ACAP1: variants seen among roughly 807,000 people sequenced by gnomAD.
ACAP1 encodes ArfGAP with coiled-coil, ankyrin repeat and PH domains 1.
Under a neutral mutation model 98.8 loss-of-function variants are expected in ACAP1, and 45 were observed. That is an observed-to-expected ratio of 0.46 (90% CI 0.36 to 0.58). ACAP1 has a LOEUF of 0.58. Ranked by LOEUF, ACAP1 falls within the 20% of genes least tolerant of loss-of-function variation. The pLI is 0.00. For synonymous variants in ACAP1, 362 were observed against 375.3 expected (o/e 0.96, Z 0.41); for missense variants, 735 against 971.4 (o/e 0.76, Z 3.24).
At chr17:7,338,567 A>G (rs982158198) in intron 2 of ACAP1, among the ~76,000 whole-genome samples, 3 of 151,036 alleles carry the variant, frequency 2.0e-5, no homozygotes, top group South Asian at 2.1e-4. Flanking sequence ...CCGGCCTACA[A>G]ATAATAATTT....
At chr17:7,342,133 G>C in intron 3 of ACAP1, 66 bp downstream of exon 3, 1 of 1,608,512 alleles carries the variant, frequency 6.2e-7, no homozygotes, top group South Asian at 1.1e-5. Flanking sequence ...TGTGGAAGAG[G>C]AGGGCTGGCC....
intron 1 of ACAP1, among the ~76,000 whole-genome samples, 198 bp downstream of exon 1, chr17:7,336,985 C>T (rs1457922195): frequency 6.6e-6 from 1 of 152,106 alleles, no homozygotes; most frequent in African/African-American, 2.4e-5. Context: ...TCCTCCTGGC[C>T]TCTGCAGTTT....
chr17:7,337,308 C>G lies in ACAP1; in HGVS notation c.54-4C>G. 1 of 1,614,000 alleles carries G rather than the reference C, an allele frequency of 6.2e-7. No individual in the cohort carries two copies. The highest frequency in any genetic ancestry group is 8.5e-7 in the Non-Finnish European group (1 of 1,179,904). The stretch of plus-strand genomic sequence containing the variant: ...CTCTCTTCCCATGACCCCCTCTTTC[C>G]CAGAGCCTCTATTGAGCTGGTGGAA... On this transcript the variant is annotated splice_region_variant and splice_polypyrimidine_tract_variant and intron_variant, in intron 1 of 21. Transcript: ENST00000158762.
At chr17:7,341,831 A>C in intron 2 of ACAP1, 117 bp from the exon 3 acceptor site, 1 of 1,464,938 alleles carries the variant, frequency 6.8e-7, no homozygotes, top group Non-Finnish European at 9.3e-7. Flanking sequence ...CAGTGAGGCC[A>C]GGCAGGAATA....
At chr17:7,349,372 CAGG>C (rs2073379626) in intron 18 of ACAP1, 2 of 540,928 alleles carry the variant, frequency 3.7e-6, no homozygotes, top group South Asian at 2.7e-5. Flanking sequence ...TCACCTCTTA[CAGG>C]AGACTTTTTT....
Position 7,347,078 on chromosome 17 carries a change from T to G in ACAP1, c.1179T>G (p.Gly393=). Reference sequence around the variant, plus strand: ...GCTCTGCTGCCACCCTGGGCTCTGGTGGAATGGCCAGGGGAAGGGAGCCTG... The same window carrying G: ...GCTCTGCTGCCACCCTGGGCTCTGGGGGAATGGCCAGGGGAAGGGAGCCTG... The part of the protein sequence containing the change: ...AIGSAATLGS[G]GMARGREPGG... The change falls in exon 14 of 22, where the codon GGT becomes GGG. Residue 393 remains glycine, a synonymous_variant. Transcript: ENST00000158762. 1.2e-6 allele frequency: 2 copies of G among 1,611,160 alleles called. No individual in the cohort carries two copies. The highest frequency in any genetic ancestry group is 1.7e-6 in the Non-Finnish European group (2 of 1,178,248).
Position 7,346,015 on chromosome 17 carries a change from G to A in ACAP1, c.855-229G>A, listed in dbSNP as rs570787371. ...AAAAAGAATTTTACTGCCATCTGCT[G>A]GAAAGTTGTCTTCATAACTATATGA... On this transcript the variant is annotated intron_variant, in intron 10 of 21. Transcript: ENST00000158762. 16 of 526,544 alleles carry A rather than the reference G, an allele frequency of 3.0e-5. No homozygotes were observed. In the South Asian group the frequency reaches 4.0e-4, roughly 13 times the overall value. 32.6% of individuals were successfully genotyped at this position (526,544 alleles called of 1,614,324 possible).
Position 7,350,345 on chromosome 17 carries a change from T to G in ACAP1, c.2072+108T>G. The G allele has an allele frequency of 1.2e-6, 1 of 867,770 alleles. No individual in the cohort carries two copies. The highest frequency in any genetic ancestry group is 1.7e-6 in the Non-Finnish European group (1 of 574,974). 53.8% of individuals were successfully genotyped at this position (867,770 alleles called of 1,614,324 possible). A position where few individuals can be genotyped will look rare whatever the true frequency, so the allele number is the denominator to read the frequency against. On this transcript the variant is annotated intron_variant, in intron 20 of 21. Transcript: ENST00000158762. The surrounding 1 kb of genome is among the most constrained non-coding windows in gnomAD (Gnocchi z 4.6). ...GACGCCGAAACAGAAGCCTGTGCTG[T>G]GGGGCCTCGGAAAGGGGCTGGGCCA...
At chr17:7,336,972 T>G (rs564049602) in intron 1 of ACAP1, among the ~76,000 whole-genome samples, 185 bp downstream of exon 1, 25 of 152,190 alleles carry the variant, frequency 1.6e-4, no homozygotes, top group African/African-American at 6.0e-4. Context: ...TGCCCCTGCA[T>G]GCTCCTCCTG....
At chr17:7,341,537 C>T (rs1195615478) in intron 2 of ACAP1, among the ~76,000 whole-genome samples, 6 of 152,196 alleles carry the variant, frequency 3.9e-5, no homozygotes, top group Admixed American at 1.3e-4. Context: ...CCACCACGCC[C>T]GGCCAATACT....
In ACAP1 at chr17:7,349,733, A is replaced by T. The variant is rs192789406; in HGVS notation, c.1852-212A>T. 1.7e-3 allele frequency: 836 copies of T among 482,946 alleles called. 8 individuals carry two copies. Among genetic ancestry groups the T allele is most frequent in the African/African-American group, 0.015 (758 of 51,418 alleles). 29.9% of individuals were successfully genotyped at this position (482,946 alleles called of 1,614,324 possible). A position where few individuals can be genotyped will look rare whatever the true frequency, so the allele number is the denominator to read the frequency against. ...AGCCTCATCTGTAAAATAGTAACAT[A>T]CCTCAAAAGCTTGTACTATGGATTT... On this transcript the variant is annotated intron_variant, in intron 18 of 21. Coordinates refer to ENST00000158762, the MANE Select transcript of ACAP1 (RefSeq NM_014716.4).
At chr17:7,337,190 G>T in intron 1 of ACAP1, 122 bp from the exon 2 acceptor site, 1 of 885,720 alleles carries the variant, frequency 1.1e-6, no homozygotes, top group Non-Finnish European at 1.9e-6. Context: ...TGGGTGGGGG[G>T]CGAGCCTCTC....
At chr17:7,339,805 CTT>C (rs1257395287) in intron 2 of ACAP1, among the ~76,000 whole-genome samples, 2 of 152,156 alleles carry the variant, frequency 1.3e-5, no homozygotes, top group African/African-American at 4.8e-5. Flanking sequence ...CAAGGAATTC[CTT>C]TACAGTGGTA....
At position 7,348,318 on chromosome 17, in the gene ACAP1, G is replaced by A. The variant is rs2073367394; in HGVS notation, c.1521G>A (p.Glu507=). The stretch of plus-strand genomic sequence containing the variant: ...TCCCCTCCCACAGGCAGGAGAAGGA[G>A]GCCTGGATTCACGCTAAATACGTGG... ...PGPSCSRQEK[E]AWIHAKYVEK... The change falls in exon 17 of 22, where the codon GAG becomes GAA. Residue 507 remains glutamate, a synonymous_variant. Transcript: ENST00000158762. 1.9e-6 allele frequency: 3 copies of A among 1,582,680 alleles called. No individual in the cohort carries two copies. Among genetic ancestry groups the A allele is most frequent in the East Asian group, 2.2e-5 (1 of 44,490 alleles).
chr17:7,347,290 T>TGC, intron 14 of ACAP1, 48 bp downstream of exon 14: 1 of 1,540,148 alleles, frequency 6.5e-7, no homozygotes, highest in South Asian at 1.2e-5. Context: ...CGGGCCACAG[T>TGC]GCGGCTCCAA....
Position 7,336,589 on chromosome 17 carries a change from A to C in ACAP1, c.-146A>C. 3 of 779,642 alleles carry C rather than the reference A, an allele frequency of 3.8e-6. No homozygotes were observed. The highest frequency in any genetic ancestry group is 2.0e-5 in the Admixed American group (1 of 50,294). 48.3% of individuals were successfully genotyped at this position (779,642 alleles called of 1,614,324 possible). On this transcript the variant is annotated 5_prime_UTR_variant, in exon 1 of 22. Coordinates refer to ENST00000158762, the MANE Select transcript of ACAP1 (RefSeq NM_014716.4). ...TAGGACACCCCTTTCCCCTTGGGGA[A>C]AGAATTGTGCCCCCAGGCCCTTCCC...
At position 7,344,670 on chromosome 17, in the gene ACAP1, TCAGCC is replaced by T. The variant is rs770672247; in HGVS notation, c.854+24_854+28del. The T allele has an allele frequency of 3.0e-4, 459 of 1,512,432 alleles. 1 individual carries two copies. The highest frequency in any genetic ancestry group is 8.5e-4 in the Middle Eastern group (5 of 5,914). 93.7% of individuals were successfully genotyped at this position (1,512,432 alleles called of 1,614,324 possible). ...GCAGGTGAGGAGAGGACACCCCCAA[TCAGCC>T]CGCCCCACCCAATGATGTATTTTCG... On this transcript the variant is annotated intron_variant, in intron 10 of 21. Transcript: ENST00000158762. This position sits in a 1 kb window ranked among gnomAD's most constrained non-coding sequence, Gnocchi z 4.9.
intron 21 of ACAP1, 121 bp from the exon 22 acceptor site, chr17:7,351,174 C>T (rs1466022911): frequency 1.4e-5 from 15 of 1,098,450 alleles, no homozygotes; most frequent in Non-Finnish European, 1.9e-5. Flanking sequence ...GCGCAGTGCC[C>T]GCGGCGCGCA....
Position 7,343,639 on chromosome 17 carries a change from A to G in ACAP1, c.529-67A>G. 2 of 1,597,860 alleles carry G rather than the reference A, an allele frequency of 1.3e-6. No homozygotes were observed. The highest frequency in any genetic ancestry group is 1.7e-6 in the Non-Finnish European group (2 of 1,169,758). ...CGAGGCTTGGGGGTCTCCAGTGTGCAGTGGGAAGGGGTGCTGTGTCTTCAA... is the reference window on the plus strand; with the variant it reads ...CGAGGCTTGGGGGTCTCCAGTGTGCGGTGGGAAGGGGTGCTGTGTCTTCAA... On this transcript the variant is annotated intron_variant, in intron 6 of 21. Transcript: ENST00000158762. This position sits in a 1 kb window ranked among gnomAD's most constrained non-coding sequence, Gnocchi z 4.9.
Sources: allele counts gnomAD v4.1 joint callset (sites outside exome capture counted in the v4.1 genomes callset), GRCh38; gene constraint gnomAD v4.1.1; non-coding constraint Gnocchi (gnomAD v3.1); transcripts MANE v1.5; gene names NCBI Gene and HGNC (gene_info 2026-07-23, HGNC 2026-07-21).